EMCN: variants seen among roughly 807,000 people sequenced by gnomAD.
The protein encoded by EMCN is endomucin.
Under a neutral mutation model 38.4 loss-of-function variants are expected in EMCN, and 37 were observed. The observed-to-expected ratio is 0.96, with a 90% CI of 0.74 to 1.27. The LOEUF is 1.27. Ranked by LOEUF, EMCN falls within the 50% of genes most tolerant of loss-of-function variation. EMCN has a pLI of 0.00. For synonymous variants in EMCN, 95 were observed against 100.8 expected (o/e 0.94, Z 0.35); for missense variants, 318 against 302.8 (o/e 1.05, Z -0.37).
chr4:100,422,304 A>G (rs1269758025), intron 7 of EMCN, among the ~76,000 whole-genome samples: 1 of 152,110 alleles, frequency 6.6e-6, no homozygotes, highest in Non-Finnish European at 1.5e-5. Context: ...ATTGCCTCCC[A>G]AATGAAGATG....
At chr4:100,437,635 T>C (rs1334690140) in intron 5 of EMCN, among the ~76,000 whole-genome samples, 3 of 152,154 alleles carry the variant, frequency 2.0e-5, no homozygotes, top group Admixed American at 6.5e-5. Flanking sequence ...AATCCAGTTT[T>C]TGCAGCACCA....
In EMCN at chr4:100,497,387, T is replaced by G. The variant is rs113460482; in HGVS notation, c.65-17348A>C. ...GCAAATCAAGTTTGTTTGTTTGTTT[T>G]TTTTTTTGAGACGGAGTCTCGCCCT... On this transcript the variant is annotated intron_variant, in intron 1 of 11. Transcript: ENST00000296420. 3.1e-3 allele frequency among the ~76,000 whole-genome samples: 468 copies of G among 152,130 alleles called. 7 individuals are homozygous for G. The highest frequency in any genetic ancestry group is 0.016 in the South Asian group (75 of 4,826).
At chr4:100,483,063 G>A (rs1728854149) in intron 1 of EMCN, among the ~76,000 whole-genome samples, 1 of 151,920 alleles carries the variant, frequency 6.6e-6, no homozygotes, top group South Asian at 2.1e-4. Flanking sequence ...TTAGTTCTTT[G>A]GGTTGTTTAA....
chr4:100,406,843 A>G (rs1411497931), intron 11 of EMCN, among the ~76,000 whole-genome samples: 1 of 152,066 alleles, frequency 6.6e-6, no homozygotes. Context: ...GAAATCTACT[A>G]TTATTGTGTG....
chr4:100,450,265 T>C (rs1020573666), intron 4 of EMCN, among the ~76,000 whole-genome samples: 1 of 152,018 alleles, frequency 6.6e-6, no homozygotes, highest in Non-Finnish European at 1.5e-5. Flanking sequence ...ACAATCTGTT[T>C]GTTGAGTTTA....
At chr4:100,408,577 A>G (rs982137976) in intron 11 of EMCN, among the ~76,000 whole-genome samples, 8 of 152,204 alleles carry the variant, frequency 5.3e-5, no homozygotes, top group Admixed American at 1.3e-4. Context: ...TTACCCAGCC[A>G]TGCAGCCCCT....
chr4:100,401,113 T>G lies in EMCN; in HGVS notation c.*40-2740A>C, dbSNP rs918401275. On this transcript the variant is annotated intron_variant, in intron 11 of 11. Transcript: ENST00000296420. The stretch of plus-strand genomic sequence containing the variant: ...GGCCATAGGAGAAAAGATCATTTTG[T>G]CTTGGTTTTATAGATGTGGAACCCA... Among the ~76,000 whole-genome samples, 7 of 152,122 alleles carry G rather than the reference T, an allele frequency of 4.6e-5. No individual in the cohort carries two copies. The East Asian group carries it at 1.4e-3, about 29-fold the overall frequency.
intron 3 of EMCN, among the ~76,000 whole-genome samples, chr4:100,473,395 T>TTTTTTTTTTTTTTTC (rs1263222229): frequency 6.9e-6 from 1 of 143,962 alleles, no homozygotes. Context: ...TGTTTTTTTT[T>TTTTTTTTTTTTTTTC]TTGCTAATGA....
intron 8 of EMCN, among the ~76,000 whole-genome samples, chr4:100,418,887 G>A (rs764587333): frequency 4.6e-5 from 7 of 152,024 alleles, no homozygotes; most frequent in Non-Finnish European, 1.0e-4. Context: ...TTGATTTCCT[G>A]TGTTAAGCGT....
At chr4:100,417,694 T>G (rs1726774476) in intron 8 of EMCN, among the ~76,000 whole-genome samples, 1 of 152,216 alleles carries the variant, frequency 6.6e-6, no homozygotes, top group African/African-American at 2.4e-5. Context: ...CAACTAATCT[T>G]TTGTTCTCTT....
chr4:100,491,096 C>T (rs1729065074), intron 1 of EMCN, among the ~76,000 whole-genome samples: 1 of 152,012 alleles, frequency 6.6e-6, no homozygotes, highest in African/African-American at 2.4e-5. Context: ...ATATTTTCTC[C>T]CTATCTATAG....
intron 5 of EMCN, among the ~76,000 whole-genome samples, chr4:100,431,616 C>G (rs1727201204): frequency 6.6e-6 from 1 of 152,038 alleles, no homozygotes; most frequent in African/African-American, 2.4e-5. Context: ...CATCAGTGAC[C>G]CTGGTTCTCA....
chr4:100,496,984 CT>C lies in EMCN; in HGVS notation c.65-16946del, dbSNP rs796478978. Among the ~76,000 whole-genome samples the C allele has an allele frequency of 2.8e-3, 414 of 148,298 alleles. 1 individual carries two copies. Among genetic ancestry groups the C allele is most frequent in the African/African-American group, 9.7e-3 (393 of 40,666 alleles). On this transcript the variant is annotated intron_variant, in intron 1 of 11. Transcript: ENST00000296420. ...AGTCCCATTCCATTTTCTCTCTTTCCTTTTTTTTTTCTCATATTAGCATGCC... is the reference window on the plus strand; with the variant it reads ...AGTCCCATTCCATTTTCTCTCTTTCCTTTTTTTTTCTCATATTAGCATGCC...
At chr4:100,407,453 G>T (rs1357731650) in intron 11 of EMCN, among the ~76,000 whole-genome samples, 2 of 152,078 alleles carry the variant, frequency 1.3e-5, no homozygotes, top group South Asian at 4.1e-4. Flanking sequence ...TGTCTGAAAA[G>T]GATTTTATTT....
chr4:100,433,543 CT>C (rs569890822), intron 5 of EMCN, among the ~76,000 whole-genome samples: 37 of 147,014 alleles, frequency 2.5e-4, no homozygotes, highest in Admixed American at 4.1e-4. Context: ...ATTTTTTTTC[CT>C]TTTTTTTTTA....
At chr4:100,458,769 C>T (rs1728086854) in intron 4 of EMCN, among the ~76,000 whole-genome samples, 1 of 152,124 alleles carries the variant, frequency 6.6e-6, no homozygotes, top group Non-Finnish European at 1.5e-5. Context: ...CCCAAAATGA[C>T]TCCTCCCTTC....
chr4:100,470,573 T>C (rs963006556), intron 3 of EMCN, among the ~76,000 whole-genome samples: 2 of 151,872 alleles, frequency 1.3e-5, no homozygotes, highest in African/African-American at 2.4e-5. Flanking sequence ...CATTCTATTA[T>C]GAAGCACACA....
chr4:100,448,492 G>A (rs539174662), intron 4 of EMCN, among the ~76,000 whole-genome samples: 9 of 152,140 alleles, frequency 5.9e-5, no homozygotes, highest in South Asian at 2.1e-4. Flanking sequence ...AAAACAAAAC[G>A]TCAGTAGCCT....
rs1361890606 is a variant in EMCN at position 100,417,144 on chromosome 4, AG to A, written c.665-4del. Reference sequence around the variant, plus strand: ...ATCATTTCCATTTTCTGGTGTGCCTAGGAGAAGAGGGAGTTGTTATTAGAGT... The same window carrying A: ...ATCATTTCCATTTTCTGGTGTGCCTAGAGAAGAGGGAGTTGTTATTAGAGT... On this transcript the variant is annotated splice_region_variant and splice_polypyrimidine_tract_variant and intron_variant, in intron 8 of 11. Coordinates refer to ENST00000296420, the MANE Select transcript of EMCN (RefSeq NM_016242.4). 6.2e-7 allele frequency: 1 copy of A among 1,613,788 alleles called. No homozygotes were observed.
Sources: allele counts gnomAD v4.1 joint callset (sites outside exome capture counted in the v4.1 genomes callset), GRCh38; gene constraint gnomAD v4.1.1; transcripts MANE v1.5; gene names NCBI Gene and HGNC (gene_info 2026-07-23, HGNC 2026-07-21).